FBXO31: variants seen among roughly 807,000 people sequenced by gnomAD.
The protein encoded by FBXO31 is F-box protein 31.
Under a neutral mutation model 54.4 loss-of-function variants are expected in FBXO31, and 24 were observed. The ratio of observed to expected loss-of-function variants is 0.44; its 90% CI spans 0.32 to 0.62. The LOEUF (loss-of-function observed/expected upper bound fraction) is 0.62, where lower values mean the gene tolerates loss of function less well. Ranked by LOEUF, FBXO31 falls within the 20% of genes least tolerant of loss-of-function variation. The probability of loss-of-function intolerance (pLI) is 0.05; values close to 1 mark genes in which losing one functional copy is unlikely to be tolerated. For synonymous variants in FBXO31, 388 were observed against 335.6 expected (o/e 1.16, Z -1.71); for missense variants, 665 against 787.1 (o/e 0.84, Z 1.86).
intron 2 of FBXO31, among the ~76,000 whole-genome samples, chr16:87,356,110 T>A (rs1905878692): frequency 6.7e-6 from 1 of 150,346 alleles, no homozygotes; most frequent in Non-Finnish European, 1.5e-5. Context: ...GCGCCTGGAG[T>A]CCCAGCTACT....
chr16:87,357,327 C>CTTTT (rs34678078), intron 2 of FBXO31, among the ~76,000 whole-genome samples: 6 of 123,406 alleles, frequency 4.9e-5, no homozygotes, highest in Admixed American at 8.4e-5. Context: ...GAATTCGGTT[C>CTTTT]TTTTTTTTTT....
chr16:87,343,455 A>T, intron 4 of FBXO31, 143 bp downstream of exon 4: 1 of 1,002,808 alleles, frequency 1.0e-6, no homozygotes. Context: ...AACAATGCAC[A>T]GCAGGGCAGG....
rs114648335 is a variant in FBXO31 at position 87,331,628 on chromosome 16, C to T, written c.1398-118G>A. ...AAGAGCCACATCCACTGTTCATCAG[C>T]CAGAAGCTGACTCCCAGAGCCAGCC... On this transcript the variant is annotated intron_variant, in intron 8 of 8. Transcript: ENST00000311635. The T allele has an allele frequency of 1.2e-3, 1,030 of 866,094 alleles. 10 individuals carry two copies. The African/African-American group carries it at 0.016, about 14-fold the overall frequency. 53.7% of individuals were successfully genotyped at this position (866,094 alleles called of 1,614,324 possible).
intron 1 of FBXO31, among the ~76,000 whole-genome samples, chr16:87,361,858 A>G (rs1906148155): frequency 6.6e-6 from 1 of 152,196 alleles, no homozygotes; most frequent in African/African-American, 2.4e-5. Flanking sequence ...TTGTGCCTTG[A>G]CAGCATGTCC....
At position 87,336,677 on chromosome 16, in the gene FBXO31, G is replaced by T. The variant is rs1905054461; in HGVS notation, c.733-413C>A. ...CAGCCTGCTTCTCTGGCTCCTGGGA[G>T]CCTGAGTGTTCCAGAAGCCCTCACC... is the stretch of plus-strand genomic sequence containing the variant. On this transcript the variant is annotated intron_variant, in intron 5 of 8. Coordinates refer to ENST00000311635, the MANE Select transcript of FBXO31 (RefSeq NM_024735.5). The surrounding 1 kb of genome is among the most constrained non-coding windows in gnomAD (Gnocchi z 6.5). Among the ~76,000 whole-genome samples the T allele has an allele frequency of 6.6e-6, 1 of 152,150 alleles. No individual in the cohort carries two copies. The highest frequency in any genetic ancestry group is 6.5e-5 in the Admixed American group (1 of 15,286).
At chr16:87,365,322 A>T (rs1324785453) in intron 1 of FBXO31, among the ~76,000 whole-genome samples, 2 of 151,930 alleles carry the variant, frequency 1.3e-5, no homozygotes, top group African/African-American at 4.8e-5. Flanking sequence ...CTTAAAACAA[A>T]TATTACTAAC....
At chr16:87,389,051 A>G (rs1014884267) in intron 1 of FBXO31, among the ~76,000 whole-genome samples, 1 of 152,172 alleles carries the variant, frequency 6.6e-6, no homozygotes, top group Non-Finnish European at 1.5e-5. Context: ...TTTGGGTCAC[A>G]TGAAATGTTT....
chr16:87,352,387 G>A (rs1905701298), intron 2 of FBXO31, among the ~76,000 whole-genome samples: 1 of 152,038 alleles, frequency 6.6e-6, no homozygotes, highest in Non-Finnish European at 1.5e-5. Context: ...TTAACATCTG[G>A]TAGTAGATTA....
intron 1 of FBXO31, among the ~76,000 whole-genome samples, chr16:87,365,152 A>C (rs1483098685): frequency 6.7e-6 from 1 of 149,992 alleles, no homozygotes; most frequent in Non-Finnish European, 1.5e-5. Context: ...AACTGGGAGT[A>C]GAAGGAGGTA....
intron 1 of FBXO31, among the ~76,000 whole-genome samples, chr16:87,369,553 G>A (rs765677212): frequency 2.6e-5 from 4 of 152,286 alleles, no homozygotes; most frequent in African/African-American, 7.2e-5. Flanking sequence ...CAGGGACCAC[G>A]CTGTGTTCAT....
chr16:87,342,579 AC>A (rs1220408910), intron 5 of FBXO31, among the ~76,000 whole-genome samples: 1 of 152,048 alleles, frequency 6.6e-6, no homozygotes, highest in African/African-American at 2.4e-5. Flanking sequence ...CCTCCCAGCA[AC>A]CCCTCAGCAA....
intron 8 of FBXO31, among the ~76,000 whole-genome samples, 160 bp from the exon 9 acceptor site, chr16:87,331,670 G>T (rs556258043): frequency 6.6e-6 from 1 of 152,266 alleles, no homozygotes; most frequent in Non-Finnish European, 1.5e-5. Context: ...TGCAGGGGCA[G>T]CTGGGGGTGT....
chr16:87,343,783 C>T lies in FBXO31; in HGVS notation c.490-18G>A. 1.1e-5 allele frequency: 18 copies of T among 1,613,560 alleles called. No homozygotes were observed. The highest frequency in any genetic ancestry group is 1.5e-5 in the Non-Finnish European group (18 of 1,179,676). ...CCGTCCACCTACAGGAGGAGATGGG[C>T]AAAGGTCCATGAGTGGCTCCCGGGC... On this transcript the variant is annotated intron_variant, in intron 3 of 8. Transcript: ENST00000311635.
intron 8 of FBXO31, among the ~76,000 whole-genome samples, chr16:87,332,146 AACAGCCCCGTGG>A (rs1314219746): frequency 6.6e-6 from 1 of 152,234 alleles, no homozygotes; most frequent in African/African-American, 2.4e-5. Flanking sequence ...CGGGGGAAAG[AACAGCCCCGTGG>A]ACCAGGGCCT....
chr16:87,359,587 A>G (rs987639573), intron 2 of FBXO31, among the ~76,000 whole-genome samples: 5 of 152,232 alleles, frequency 3.3e-5, no homozygotes, highest in African/African-American at 1.2e-4. Context: ...CAGAAATGAA[A>G]AAGAAAAAAG....
intron 2 of FBXO31, among the ~76,000 whole-genome samples, chr16:87,349,848 G>T (rs535378209): frequency 6.6e-6 from 1 of 151,642 alleles, no homozygotes; most frequent in Admixed American, 6.6e-5. Context: ...GGCGGAGGCT[G>T]TAGTGAGCTA....
At chr16:87,387,401 ACCT>A (rs1907360026), upstream of FBXO31, among the ~76,000 whole-genome samples, 1 of 152,112 alleles carries the variant, frequency 6.6e-6, no homozygotes, top group Non-Finnish European at 1.5e-5. Flanking sequence ...TACAATAATG[ACCT>A]CTTTGTTAGT....
intron 1 of FBXO31, among the ~76,000 whole-genome samples, chr16:87,363,845 A>C (rs556136604): frequency 3.9e-5 from 6 of 152,038 alleles, no homozygotes; most frequent in African/African-American, 1.4e-4. Flanking sequence ...CAACATCTTC[A>C]TTTTTCATCT....
At chr16:87,391,607 G>A (rs1255195602), upstream of FBXO31, 1 of 152,222 alleles carries the variant, frequency 6.6e-6, no homozygotes, top group Non-Finnish European at 1.5e-5. Context: ...GCCACCAGGA[G>A]AGTTCCAGGC....
Sources: gnomAD v4.1 joint callset for allele counts (sites outside exome capture counted in the v4.1 genomes callset) on GRCh38, gnomAD v4.1.1 for gene constraint, Gnocchi (gnomAD v3.1) non-coding constraint, MANE v1.5 for transcripts, NCBI Gene and HGNC (gene_info 2026-07-23, HGNC 2026-07-21) for gene names.